Variants in ALS2 observed in about 807,000 individuals in gnomAD.
The protein encoded by ALS2 is alsin Rho guanine nucleotide exchange factor ALS2.
Under a neutral mutation model 203.4 loss-of-function variants are expected in ALS2, and 117 were observed. The ratio of observed to expected loss-of-function variants is 0.58; its 90% CI spans 0.50 to 0.67. The LOEUF (loss-of-function observed/expected upper bound fraction) is 0.67. ALS2 is among the 30% of genes least tolerant of loss of function. The pLI, the probability that ALS2 is intolerant of heterozygous loss-of-function variation, is 0.00. For synonymous variants in ALS2, 718 were observed against 725.9 expected (o/e 0.99, Z 0.17); for missense variants, 1,715 against 1,989.4 (o/e 0.86, Z 2.62).
At chr2:201,709,737 C>T (rs1224223999) in intron 27 of ALS2, 144 bp downstream of exon 27, 9 of 987,182 alleles carry the variant, frequency 9.1e-6, no homozygotes, top group Non-Finnish European at 1.4e-5. Context: ...ATAGCTTACA[C>T]ATACATTTAA....
intron 8 of ALS2, among the ~76,000 whole-genome samples, chr2:201,748,204 T>G (rs1240804405): frequency 6.6e-6 from 1 of 150,576 alleles, no homozygotes; most frequent in Non-Finnish European, 1.5e-5. Flanking sequence ...TGTGTGTGTG[T>G]TGTGTGTGTG....
At chr2:201,724,195 A>C in intron 21 of ALS2, 100 bp downstream of exon 21, 1 of 1,255,074 alleles carries the variant, frequency 8.0e-7, no homozygotes, top group Non-Finnish European at 1.1e-6. Flanking sequence ...AATCTTACTA[A>C]TCTCCATGAA....
intron 12 of ALS2, among the ~76,000 whole-genome samples, chr2:201,736,321 C>T (rs1691873054): frequency 6.6e-6 from 1 of 151,964 alleles, no homozygotes; most frequent in Non-Finnish European, 1.5e-5. Context: ...AAAATAAAGG[C>T]CAAACCCCTA....
In ALS2 at chr2:201,715,740, C is replaced by A; in HGVS notation, c.3936G>T (p.Gly1312=). The A allele has an allele frequency of 1.1e-5, 17 of 1,614,222 alleles. No individual in the cohort carries two copies. The highest frequency in any genetic ancestry group is 1.4e-5 in the Non-Finnish European group (17 of 1,180,038). The change falls in exon 25 of 34, where the codon GGG becomes GGT. Residue 1312 remains glycine, a synonymous_variant. Coordinates refer to ENST00000264276, the MANE Select transcript of ALS2 (RefSeq NM_020919.4). ...RQLGCEGPGQ[G]EVWKAWDNIA... ...TATTGTCCCATGCTTTCCAAACTTC[C>A]CCTTGGCCTGGGCCCTCACAGCCCA...
At position 201,724,294 on chromosome 2, in the gene ALS2, C is replaced by T. The variant is rs750169470; in HGVS notation, c.3512+1G>A. 1 of 1,612,780 alleles carries T rather than the reference C, an allele frequency of 6.2e-7. No individual in the cohort carries two copies. Among genetic ancestry groups the T allele is most frequent in the Non-Finnish European group, 8.5e-7 (1 of 1,178,968 alleles). On this transcript the variant is annotated splice_donor_variant, in intron 21 of 33. Transcript: ENST00000264276. LOFTEE classifies it high-confidence loss of function. ...GTGGGAATAGAAGGAGAATACTGTA[C>T]CTAGTGATATCATCAAAGACACCAT...
chr2:201,759,467 T>C, intron 4 of ALS2: 2 of 946,936 alleles, frequency 2.1e-6, no homozygotes, highest in Non-Finnish European at 2.5e-6. Context: ...TTTAAATAAA[T>C]TAAATTTAAT....
At position 201,774,438 on chromosome 2, in the gene ALS2, T is replaced by A. The variant is rs376036749; in HGVS notation, c.-60-5493A>T. Among the ~76,000 whole-genome samples the A allele has an allele frequency of 1.6e-3, 243 of 152,334 alleles. 2 individuals are homozygous for A. The highest frequency in any genetic ancestry group is 5.7e-3 in the African/African-American group (238 of 41,568). On this transcript the variant is annotated intron_variant, in intron 1 of 33. Coordinates refer to ENST00000264276, the MANE Select transcript of ALS2 (RefSeq NM_020919.4). Reference sequence around the variant, plus strand: ...CCTGGAAGTGAAGAGGACTTCACAGTATGCATGTTGTATAGTCTGTTTCTT... The same window carrying A: ...CCTGGAAGTGAAGAGGACTTCACAGAATGCATGTTGTATAGTCTGTTTCTT...
chr2:201,734,821 C>T (rs1574726381), intron 12 of ALS2, among the ~76,000 whole-genome samples: 1 of 152,188 alleles, frequency 6.6e-6, no homozygotes, highest in African/African-American at 2.4e-5. Context: ...CAGAAACCAT[C>T]TCTGATCAGC....
intron 13 of ALS2, among the ~76,000 whole-genome samples, chr2:201,732,209 G>T (rs1024765012): frequency 6.6e-6 from 1 of 152,074 alleles, no homozygotes; most frequent in Non-Finnish European, 1.5e-5. Context: ...GTCACTCTGA[G>T]GGGTGAAATC....
rs1002785073 is a variant in ALS2, at chr2:201,760,962, T to C, written c.1032A>G (p.Ala344=). The part of the protein sequence containing the change: ...RNIPSYPDTQ[A]VNEYLRKLSD... ...ACAGTTTCCGTAGGTATTCATTGACTGCTTGGGTGTCAGGGTATGATGGTA... is the reference window on the plus strand; with the variant it reads ...ACAGTTTCCGTAGGTATTCATTGACCGCTTGGGTGTCAGGGTATGATGGTA... The change falls in exon 4 of 34, where the codon GCA becomes GCG. Residue 344 remains alanine (A), a synonymous_variant. Coordinates refer to ENST00000264276, the MANE Select transcript of ALS2 (RefSeq NM_020919.4). 6.2e-6 allele frequency: 10 copies of C among 1,614,092 alleles called. No homozygotes were observed. The highest frequency in any genetic ancestry group is 7.6e-6 in the Non-Finnish European group (9 of 1,180,046).
chr2:201,764,563 G>A (rs949445250), intron 3 of ALS2, among the ~76,000 whole-genome samples: 6 of 151,946 alleles, frequency 3.9e-5, no homozygotes. Flanking sequence ...AAACCCAGGA[G>A]GTGGAGGTTG....
chr2:201,748,173 G>T (rs963277909), intron 8 of ALS2, among the ~76,000 whole-genome samples: 3 of 151,958 alleles, frequency 2.0e-5, no homozygotes, highest in African/African-American at 7.3e-5. Flanking sequence ...ATCTAGCTAG[G>T]CTCCAAATCA....
intron 23 of ALS2, chr2:201,722,717 T>A: frequency 3.3e-6 from 1 of 301,172 alleles, no homozygotes; most frequent in Admixed American, 4.8e-5. Context: ...AGAAGCCACA[T>A]AGAGGAGATT....
chr2:201,736,075 TAATA>T (rs2106029817), intron 12 of ALS2, among the ~76,000 whole-genome samples: 1 of 151,988 alleles, frequency 6.6e-6, no homozygotes, highest in African/African-American at 2.4e-5. Context: ...ATATTTAAAA[TAATA>T]AATATAAAAT....
chr2:201,718,878 A>T (rs921622425), intron 23 of ALS2, among the ~76,000 whole-genome samples: 6 of 152,194 alleles, frequency 3.9e-5, no homozygotes, highest in Non-Finnish European at 7.3e-5. Flanking sequence ...CAGTAATGTA[A>T]AATTCCACCT....
chr2:201,717,192 C>T (rs561153659), intron 24 of ALS2, among the ~76,000 whole-genome samples: 111 of 151,996 alleles, frequency 7.3e-4, no homozygotes, highest in Non-Finnish European at 1.2e-3. Context: ...AGGCTGGGCG[C>T]GGTGGCTCAC....
At chr2:201,756,635 A>G (rs1288606132) in intron 5 of ALS2, among the ~76,000 whole-genome samples, 1 of 152,230 alleles carries the variant, frequency 6.6e-6, no homozygotes, top group East Asian at 1.9e-4. Flanking sequence ...TTACATAACC[A>G]CAGCGTAGCT....
intron 11 of ALS2, 39 bp from the exon 12 acceptor site, chr2:201,738,774 T>C (rs771312782): frequency 3.3e-6 from 5 of 1,527,722 alleles, no homozygotes. Flanking sequence ...TTAGTTGAAA[T>C]GTAAATTAGT....
intron 23 of ALS2, chr2:201,722,769 A>T (rs1052539004): frequency 2.4e-6 from 1 of 419,656 alleles, no homozygotes; most frequent in African/African-American, 2.0e-5. Flanking sequence ...AAAAAAGGCA[A>T]ATCTATAGAG....
Sources: allele counts gnomAD v4.1 joint callset (sites outside exome capture counted in the v4.1 genomes callset), GRCh38; gene constraint gnomAD v4.1.1; transcripts MANE v1.5; gene names NCBI Gene and HGNC (gene_info 2026-07-23, HGNC 2026-07-21).